Variants in SPEF2 observed in about 807,000 individuals in gnomAD.
SPEF2 encodes sperm flagellar and cilia associated 2.
In SPEF2, 187 loss-of-function variants were observed where a neutral mutation model predicts 224.6. The ratio of observed to expected loss-of-function variants is 0.83; its 90% CI spans 0.74 to 0.94. SPEF2 has a LOEUF of 0.94. Ranked by LOEUF, SPEF2 falls within the 40% of genes least tolerant of loss-of-function variation. The probability of loss-of-function intolerance (pLI) is 0.00; values close to 1 mark genes in which losing one functional copy is unlikely to be tolerated. For missense variants in SPEF2, 2,170 were observed against 2,135.6 expected (o/e 1.02, Z -0.32); for synonymous variants, 715 against 707.3 (o/e 1.01, Z -0.17).
chr5:35,798,950 G>A (rs750652468), intron 33 of SPEF2, among the ~76,000 whole-genome samples: 9 of 152,062 alleles, frequency 5.9e-5, no homozygotes, highest in Admixed American at 2.6e-4. Flanking sequence ...TCCAAATATC[G>A]GAAATTATTT....
chr5:35,747,483 T>C (rs1305295228), intron 23 of SPEF2, among the ~76,000 whole-genome samples: 1 of 151,704 alleles, frequency 6.6e-6, no homozygotes, highest in Non-Finnish European at 1.5e-5. Flanking sequence ...CTTAAAGGGG[T>C]GGAAAAAGGC....
chr5:35,739,230 C>A (rs1747164599), intron 21 of SPEF2, among the ~76,000 whole-genome samples: 1 of 151,996 alleles, frequency 6.6e-6, no homozygotes. Flanking sequence ...TATGGGACTG[C>A]CATTCTAGAG....
At position 35,709,125 on chromosome 5, in the gene SPEF2, A is replaced by G. The variant is rs1186339058; in HGVS notation, c.2839+4A>G. ...GCAAAAGGAAAACCTCAATCAGGTGATTGACAGAATGATTTATAATCCTGT... is the reference window on the plus strand; with the variant it reads ...GCAAAAGGAAAACCTCAATCAGGTGGTTGACAGAATGATTTATAATCCTGT... On this transcript the variant is annotated splice_donor_region_variant and intron_variant, in intron 19 of 36. Transcript: ENST00000356031. 1.9e-6 allele frequency: 3 copies of G among 1,608,078 alleles called. No individual in the cohort carries two copies. Among genetic ancestry groups the G allele is most frequent in the Non-Finnish European group, 2.5e-6 (3 of 1,178,856 alleles).
At chr5:35,644,649 T>A in intron 4 of SPEF2, 124 bp downstream of exon 4, 3 of 664,774 alleles carry the variant, frequency 4.5e-6, no homozygotes, top group Non-Finnish European at 7.0e-6. Flanking sequence ...ATGCATGACT[T>A]TGTCCTGCCC....
intron 7 of SPEF2, among the ~76,000 whole-genome samples, chr5:35,655,181 AC>A (rs1748795747): frequency 6.6e-6 from 1 of 152,122 alleles, no homozygotes; most frequent in Admixed American, 6.5e-5. Context: ...GACGAACAGC[AC>A]CAGCATTGCT....
rs151021821 is a variant in SPEF2 at position 35,639,194 on chromosome 5, C to G, written c.162-2237C>G. On this transcript the variant is annotated intron_variant, in intron 2 of 36. Transcript: ENST00000356031. The stretch of plus-strand genomic sequence containing the variant: ...ATAGATGTGTGTCCTTTGTAACAGC[C>G]CTGCTTGTCATATACTACAAAGGAC... Among the ~76,000 whole-genome samples the G allele has an allele frequency of 1.2e-4, 18 of 152,196 alleles. 2 individuals carry two copies. The East Asian group carries it at 3.5e-3, about 29-fold the overall frequency.
chr5:35,640,742 T>C (rs112714886), intron 2 of SPEF2, among the ~76,000 whole-genome samples: 21 of 152,306 alleles, frequency 1.4e-4, no homozygotes, highest in African/African-American at 4.8e-4. Flanking sequence ...TAAATATTTA[T>C]GTTAAAAGAG....
At chr5:35,685,453 A>G (rs1166412112) in intron 10 of SPEF2, among the ~76,000 whole-genome samples, 1 of 152,152 alleles carries the variant, frequency 6.6e-6, no homozygotes, top group Non-Finnish European at 1.5e-5. Flanking sequence ...AAGAAAAGCA[A>G]GAACACAGGG....
chr5:35,655,596 G>A (rs995769669), intron 7 of SPEF2, among the ~76,000 whole-genome samples: 1 of 152,212 alleles, frequency 6.6e-6, no homozygotes, highest in African/African-American at 2.4e-5. Context: ...TGGATAAAGA[G>A]TCAGGAGTTA....
intron 21 of SPEF2, among the ~76,000 whole-genome samples, chr5:35,733,770 AC>A (rs1473732244): frequency 6.7e-6 from 1 of 149,330 alleles, no homozygotes; most frequent in Non-Finnish European, 1.5e-5. Context: ...ACTCAGAGAG[AC>A]AGTACAGTGA....
In SPEF2 at chr5:35,667,252, A is replaced by G. The variant is rs1183895788; in HGVS notation, c.1348A>G (p.Thr450Ala). The G allele has an allele frequency of 1.9e-6, 3 of 1,594,708 alleles. No individual in the cohort carries two copies. The highest frequency in any genetic ancestry group is 2.6e-6 in the Non-Finnish European group (3 of 1,169,286). The change falls in exon 9 of 37, where the codon ACA becomes GCA. Residue 450 changes from threonine (T) to alanine (A), a missense_variant. Thr to Ala is a moderately conservative substitution (Grantham distance 58). Coordinates refer to ENST00000356031, the MANE Select transcript of SPEF2 (RefSeq NM_024867.4). The part of the protein sequence containing the change: ...STKVADYRML[T>A]NNLIPYKLMH... ...TAAAGTGGCAGACTATCGAATGTTG[A>G]CAAATAAGTAAGTATTTTTTTTGTA...
chr5:35,755,961 A>C (rs1464413583), intron 24 of SPEF2, among the ~76,000 whole-genome samples: 1 of 152,210 alleles, frequency 6.6e-6, no homozygotes, highest in Non-Finnish European at 1.5e-5. Flanking sequence ...TGAGACAAAC[A>C]CAGGTGAAAC....
chr5:35,808,881 C>CATAT (rs34389759), intron 36 of SPEF2, among the ~76,000 whole-genome samples: 2,793 of 143,306 alleles, frequency 0.019, 88 homozygotes, highest in African/African-American at 0.066. Flanking sequence ...TTGGGTTTTA[C>CATAT]ATATATATAT....
chr5:35,665,260 C>T (rs980694424), intron 8 of SPEF2, among the ~76,000 whole-genome samples: 1 of 152,154 alleles, frequency 6.6e-6, no homozygotes, highest in African/African-American at 2.4e-5. Context: ...CTCATAACCA[C>T]GGAGATTTAC....
rs115503457 is a variant in SPEF2 at position 35,669,071 on chromosome 5, T to C, written c.1356-988T>C. Reference sequence around the variant, plus strand: ...TCTGTAGCCGTTAAATAATAACTCCTCATCCCCTTCAATCCCCAGCCACTG... The same window carrying C: ...TCTGTAGCCGTTAAATAATAACTCCCCATCCCCTTCAATCCCCAGCCACTG... On this transcript the variant is annotated intron_variant, in intron 9 of 36. Transcript: ENST00000356031. 6.3e-3 allele frequency among the ~76,000 whole-genome samples: 951 copies of C among 152,116 alleles called. 9 individuals carry two copies. Among genetic ancestry groups the C allele is most frequent in the African/African-American group, 0.022 (901 of 41,522 alleles).
At chr5:35,677,345 G>A (rs1752170521) in intron 10 of SPEF2, among the ~76,000 whole-genome samples, 1 of 152,140 alleles carries the variant, frequency 6.6e-6, no homozygotes, top group East Asian at 1.9e-4. Context: ...ATAAAGCATA[G>A]TTTAAGCAGT....
At chr5:35,692,041 A>G (rs1039807541) in intron 11 of SPEF2, among the ~76,000 whole-genome samples, 1 of 151,594 alleles carries the variant, frequency 6.6e-6, no homozygotes, top group African/African-American at 2.4e-5. Context: ...CTCGTGATCC[A>G]CCCACCTCAG....
At chr5:35,746,483 A>T (rs560175052) in intron 23 of SPEF2, among the ~76,000 whole-genome samples, 170 of 152,306 alleles carry the variant, frequency 1.1e-3, no homozygotes, top group South Asian at 0.011. Context: ...AAACAAACAA[A>T]AATTCAGGAA....
At position 35,691,902 on chromosome 5, in the gene SPEF2, C is replaced by T. The variant is rs952771375; in HGVS notation, c.1744+646C>T. Among the ~76,000 whole-genome samples, 3 of 152,040 alleles carry T rather than the reference C, an allele frequency of 2.0e-5. No homozygotes were observed. The East Asian group carries it at 5.9e-4, about 30-fold the overall frequency. On this transcript the variant is annotated intron_variant, in intron 11 of 36. Transcript: ENST00000356031. Reference sequence around the variant, plus strand: ...GCAACCTCTGCTTCCCGGGTTCAAGCGATTCTTCTGCCTCAGCCTCCTGAG... The same window carrying T: ...GCAACCTCTGCTTCCCGGGTTCAAGTGATTCTTCTGCCTCAGCCTCCTGAG...
Sources: allele counts gnomAD v4.1 joint callset (sites outside exome capture counted in the v4.1 genomes callset), GRCh38; gene constraint gnomAD v4.1.1; transcripts MANE v1.5; gene names NCBI Gene and HGNC (gene_info 2026-07-23, HGNC 2026-07-21).